Variants in SCN10A observed in about 807,000 individuals in gnomAD.
SCN10A encodes the protein sodium voltage-gated channel alpha subunit 10.
In SCN10A, 162 loss-of-function variants were observed where a neutral mutation model predicts 170.7. The ratio of observed to expected loss-of-function variants is 0.95; its 90% CI spans 0.84 to 1.08. The LOEUF (loss-of-function observed/expected upper bound fraction) is 1.08, where lower values mean the gene tolerates loss of function less well. Among genes scored for constraint, SCN10A ranks in the 50% least tolerant of loss-of-function variants. The probability of loss-of-function intolerance (pLI) is 0.00; values close to 1 mark genes in which losing one functional copy is unlikely to be tolerated. For missense variants in SCN10A, 2,527 were observed against 2,436.9 expected, an observed-to-expected ratio of 1.04 and a Z score of -0.78; for synonymous variants, 985 against 904.6, an observed-to-expected ratio of 1.09 and a Z score of -1.59.
intron 20 of SCN10A, 60 bp from the exon 21 acceptor site, chr3:38,718,886 G>T: frequency 6.5e-7 from 1 of 1,531,350 alleles, no homozygotes; most frequent in South Asian, 1.2e-5. Context: ...CTGGGGCCCA[G>T]ACTGATAGGG....
In SCN10A at chr3:38,710,897, C is replaced by T. The variant is rs1281711254; in HGVS notation, c.4090G>A (p.Ala1364Thr). The change falls in exon 24 of 28, where the codon GCA becomes ACA. Residue 1364 changes from alanine (A) to threonine (T), a missense_variant and splice_region_variant. By Grantham distance (58) the Ala-to-Thr change is moderately conservative (BLOSUM62 0). Coordinates refer to ENST00000449082, the MANE Select transcript of SCN10A (RefSeq NM_006514.4). ...ATGTCCATCCAGCCTTTAAAGGTTGCCTGGAGACAAGGAGCAGAGGCCACT... is the reference window on the plus strand; with the variant it reads ...ATGTCCATCCAGCCTTTAAAGGTTGTCTGGAGACAAGGAGCAGAGGCCACT... The part of the protein sequence containing the change: ...AMGYLALLQV[A>T]TFKGWMDIMY... 2 of 1,613,282 alleles carry T rather than the reference C, an allele frequency of 1.2e-6. No individual in the cohort carries two copies. Among genetic ancestry groups the T allele is most frequent in the Non-Finnish European group, 1.7e-6 (2 of 1,179,676 alleles).
chr3:38,716,439 T>C (rs1358044171), intron 21 of SCN10A, among the ~76,000 whole-genome samples: 1 of 152,110 alleles, frequency 6.6e-6, no homozygotes, highest in Non-Finnish European at 1.5e-5. Flanking sequence ...CCTCTCTCTT[T>C]GCCTGCTGCC....
Position 38,713,818 on chromosome 3 carries a change from G to A in SCN10A, c.3804+140C>T, listed in dbSNP as rs1479726608. The stretch of plus-strand genomic sequence containing the variant: ...GATTTTTGTACTTTTAGCAGAGACA[G>A]GGTTTCGGCATGTTGGCCAGGGTGG... On this transcript the variant is annotated intron_variant, in intron 22 of 27. Coordinates refer to ENST00000449082, the MANE Select transcript of SCN10A (RefSeq NM_006514.4). 1.1e-5 allele frequency: 10 copies of A among 925,264 alleles called. No homozygotes were observed. The Admixed American group carries it at 2.5e-4, about 23-fold the overall frequency. The allele number at this position is 925,264 out of a possible 1,614,324, so 57.3% of individuals were successfully genotyped here.
At chr3:38,704,417 A>G (rs1379760917) in intron 26 of SCN10A, among the ~76,000 whole-genome samples, 1 of 152,236 alleles carries the variant, frequency 6.6e-6, no homozygotes, top group Non-Finnish European at 1.5e-5. Context: ...CGGCATCGTT[A>G]AGTGGCTGGG....
intron 1 of SCN10A, among the ~76,000 whole-genome samples, chr3:38,794,812 C>T (rs1384954972): frequency 6.6e-6 from 1 of 152,200 alleles, no homozygotes; most frequent in Non-Finnish European, 1.5e-5. Context: ...TCTTTTCTCA[C>T]TATTCCCTGT....
chr3:38,774,130 G>A (rs111560636), intron 4 of SCN10A, among the ~76,000 whole-genome samples: 2,404 of 152,232 alleles, frequency 0.016, 65 homozygotes, highest in East Asian at 0.074. Flanking sequence ...TGTGAGAGGA[G>A]AAATCGTGTT....
intron 1 of SCN10A, among the ~76,000 whole-genome samples, chr3:38,801,416 C>T (rs79449680): frequency 0.015 from 2,271 of 152,228 alleles, 25 homozygotes; most frequent in Non-Finnish European, 0.023. Flanking sequence ...AAGGTCTGTG[C>T]TTACTGTGAT....
chr3:38,804,199 C>A (rs4549223), intron 1 of SCN10A, among the ~76,000 whole-genome samples: 28,503 of 152,066 alleles, frequency 0.19, 3,402 homozygotes, highest in East Asian at 0.38. Flanking sequence ...GTTTCTTGAA[C>A]ACACCAAGCA....
At chr3:38,773,071 G>C (rs1167710199) in intron 4 of SCN10A, among the ~76,000 whole-genome samples, 1 of 152,138 alleles carries the variant, frequency 6.6e-6, no homozygotes, top group African/African-American at 2.4e-5. Flanking sequence ...AAAATTAAGA[G>C]GGAAATAATT....
At chr3:38,785,210 C>T (rs1211992123) in intron 4 of SCN10A, among the ~76,000 whole-genome samples, 1 of 152,168 alleles carries the variant, frequency 6.6e-6, no homozygotes, top group African/African-American at 2.4e-5. Flanking sequence ...TTGGAGGCAT[C>T]ACGCTACCTG....
intron 15 of SCN10A, among the ~76,000 whole-genome samples, chr3:38,729,717 C>T (rs923583939): frequency 1.3e-5 from 2 of 152,072 alleles, no homozygotes; most frequent in African/African-American, 4.8e-5. Context: ...TCTAATTTGT[C>T]AGGAAAAAAA....
At chr3:38,765,481 CTT>C (rs925676286) in intron 5 of SCN10A, among the ~76,000 whole-genome samples, 1 of 152,072 alleles carries the variant, frequency 6.6e-6, no homozygotes, top group African/African-American at 2.4e-5. Flanking sequence ...CCTTTCCCCA[CTT>C]ACGTTTTTGT....
intron 20 of SCN10A, among the ~76,000 whole-genome samples, chr3:38,719,710 G>T (rs1299917423): frequency 6.6e-6 from 1 of 152,172 alleles, no homozygotes; most frequent in Non-Finnish European, 1.5e-5. Context: ...CAAGTGACTG[G>T]CAGGAGTGAA....
Position 38,722,259 on chromosome 3 carries a change from A to G in SCN10A, c.3506T>C (p.Leu1169Pro), listed in dbSNP as rs2063397904. ...GGCAGGGACTATGCCTCCCCTTACC[A>G]GAGATCCACTGCTGAGCAGGATCAT... ...IFMILLSSGSLAFEDYYLDQK... is the reference protein window; with the variant it reads ...IFMILLSSGSPAFEDYYLDQK... The change falls in exon 20 of 28, where the codon CTG becomes CCG. Residue 1169 changes from leucine to proline, a missense_variant and splice_region_variant. Leu to Pro is a moderately conservative substitution (Grantham distance 98). Transcript: ENST00000449082. 6.2e-7 allele frequency: 1 copy of G among 1,613,472 alleles called. No individual in the cohort carries two copies. The highest frequency in any genetic ancestry group is 8.5e-7 in the Non-Finnish European group (1 of 1,179,632).
intron 8 of SCN10A, among the ~76,000 whole-genome samples, chr3:38,759,796 A>G (rs917711187): frequency 6.6e-6 from 1 of 152,230 alleles, no homozygotes; most frequent in Non-Finnish European, 1.5e-5. Context: ...TGGACCGAGC[A>G]GTGGGGCTGT....
At chr3:38,754,957 A>G (rs1434952147) in intron 11 of SCN10A, among the ~76,000 whole-genome samples, 1 of 152,098 alleles carries the variant, frequency 6.6e-6, no homozygotes, top group African/African-American at 2.4e-5. Context: ...GAAAGGGCAT[A>G]TTTGGGGTAA....
chr3:38,784,612 G>A lies in SCN10A; in HGVS notation c.470+4344C>T, dbSNP rs149229532. ...TATCTCACCACTCTTATTCAACATA[G>A]TATTGGAAGTTCTGGCCAGGGCGAT... is the stretch of plus-strand genomic sequence containing the variant. On this transcript the variant is annotated intron_variant, in intron 4 of 27. Transcript: ENST00000449082. Among the ~76,000 whole-genome samples, 6 of 152,062 alleles carry A rather than the reference G, an allele frequency of 3.9e-5. 1 individual carries two copies. The highest frequency in any genetic ancestry group is 7.4e-5 in the Non-Finnish European group (5 of 68,016).
intron 4 of SCN10A, among the ~76,000 whole-genome samples, chr3:38,785,808 G>C (rs909209176): frequency 4.6e-5 from 7 of 152,110 alleles, no homozygotes; most frequent in Non-Finnish European, 1.0e-4. Flanking sequence ...CCATCAAAAA[G>C]TGGGCAAAGG....
intron 1 of SCN10A, among the ~76,000 whole-genome samples, chr3:38,810,579 A>G (rs1425594982): frequency 2.6e-5 from 4 of 152,190 alleles, no homozygotes; most frequent in Non-Finnish European, 4.4e-5. Context: ...TCTCCCAAAG[A>G]ATCTAGTTTA....
Sources: gnomAD v4.1 joint callset for allele counts (sites outside exome capture counted in the v4.1 genomes callset) on GRCh38, gnomAD v4.1.1 for gene constraint, MANE v1.5 for transcripts, NCBI Gene and HGNC (gene_info 2026-07-23, HGNC 2026-07-21) for gene names.